Variants in MCF2 observed in about 807,000 individuals in gnomAD.
MCF2 encodes MCF.2 cell line derived transforming sequence.
In MCF2, 44 loss-of-function variants were observed where a neutral mutation model predicts 82.5. The observed-to-expected ratio is 0.53, with a 90% CI of 0.42 to 0.69. The LOEUF (loss-of-function observed/expected upper bound fraction) is 0.69, where lower values mean the gene tolerates loss of function less well. Ranked by LOEUF, MCF2 falls within the 30% of genes least tolerant of loss-of-function variation. MCF2 has a pLI of 0.00. For synonymous variants in MCF2, 217 were observed against 224.9 expected, an observed-to-expected ratio of 0.96 and a Z score of 0.32; for missense variants, 623 against 663.1, an observed-to-expected ratio of 0.94 and a Z score of 0.66.
chrX:139,702,042 T>C (rs1426369326), intron 1 of MCF2, among the ~76,000 whole-genome samples: 3 of 111,601 alleles, frequency 2.7e-5, no homozygotes, highest in Non-Finnish European at 5.6e-5. Context: ...ATGGTTTACC[T>C]GGCCTGCTAT....
intron 1 of MCF2, among the ~76,000 whole-genome samples, chrX:139,652,485 C>T (rs1934059844): frequency 9.0e-6 from 1 of 111,479 alleles, no homozygotes; most frequent in Admixed American, 9.5e-5. Flanking sequence ...AGCATATTAA[C>T]TCATTTTTTA....
chrX:139,590,818 A>G (rs1337650838), intron 19 of MCF2, among the ~76,000 whole-genome samples: 1 of 110,734 alleles, frequency 9.0e-6, no homozygotes, highest in Non-Finnish European at 1.9e-5. Context: ...AGCATTAAAG[A>G]TAGTGCTAGG....
At chrX:139,687,395 CAAGACGTCG>C (rs1415003425) in intron 1 of MCF2, among the ~76,000 whole-genome samples, 16 of 113,377 alleles carry the variant, frequency 1.4e-4, no homozygotes, top group African/African-American at 5.1e-4. Flanking sequence ...GTCTCTGGAA[CAAGACGTCG>C]AAGCAACAGA....
chrX:139,604,255 A>C (rs1245440414), intron 15 of MCF2, among the ~76,000 whole-genome samples: 3 of 110,718 alleles, frequency 2.7e-5, no homozygotes, highest in African/African-American at 9.9e-5. Flanking sequence ...GACTAGATCC[A>C]ATTCTAAAAC....
chrX:139,629,368 T>C (rs1033008865), intron 4 of MCF2, among the ~76,000 whole-genome samples: 3 of 112,101 alleles, frequency 2.7e-5, no homozygotes, highest in African/African-American at 9.7e-5. Context: ...CTGTCATATA[T>C]GTGGTTCATC....
intron 10 of MCF2, among the ~76,000 whole-genome samples, chrX:139,612,193 A>G (rs1444705529): frequency 2.7e-5 from 3 of 110,951 alleles, no homozygotes; most frequent in Non-Finnish European, 3.8e-5. Flanking sequence ...GGAGGAACCA[A>G]GGTCCCAGGC....
At chrX:139,644,192 T>C (rs1933714766), upstream of MCF2, among the ~76,000 whole-genome samples, 1 of 112,424 alleles carries the variant, frequency 8.9e-6, no homozygotes, top group African/African-American at 3.2e-5. Flanking sequence ...GTAAGCCAAT[T>C]GGAAAATGAT....
At chrX:139,637,000 T>C (rs1933262259) in intron 1 of MCF2, among the ~76,000 whole-genome samples, 1 of 111,798 alleles carries the variant, frequency 8.9e-6, no homozygotes, top group Non-Finnish European at 1.9e-5. Context: ...TGTTTAGTAA[T>C]TCACTTGTCA....
intron 19 of MCF2, among the ~76,000 whole-genome samples, chrX:139,594,448 C>A (rs1200766471): frequency 9.1e-6 from 1 of 109,898 alleles, no homozygotes; most frequent in Non-Finnish European, 1.9e-5. Flanking sequence ...TGATCTTTGA[C>A]AAACCTGACA....
rs771215775 is a variant in MCF2, at chrX:139,589,739, T to C, written c.2370+96A>G. 26 of 606,607 alleles carry C rather than the reference T, an allele frequency of 4.3e-5. 1 individual carries two copies. The African/African-American group carries it at 4.8e-4, about 11-fold the overall frequency. 50.0% of individuals were successfully genotyped at this position (606,607 alleles called of 1,213,427 possible). On this transcript the variant is annotated intron_variant, in intron 20 of 24. Coordinates refer to ENST00000370576, the Ensembl canonical transcript of MCF2. ...CTGACCTACATGAAAGGGGTGGAAA[T>C]TTTGAAATGCGACCAAAATTATTTT...
chrX:139,583,903 G>T (rs1279180366), intron 24 of MCF2, among the ~76,000 whole-genome samples: 2 of 111,193 alleles, frequency 1.8e-5, no homozygotes, highest in African/African-American at 6.5e-5. Context: ...TATCTTACCA[G>T]ATCTAAGTCT....
chrX:139,594,638 G>C (rs1929875257), intron 19 of MCF2, among the ~76,000 whole-genome samples: 1 of 110,981 alleles, frequency 9.0e-6, no homozygotes, highest in Non-Finnish European at 1.9e-5. Context: ...AGAAAACCTA[G>C]GCATTACCAT....
At chrX:139,678,833 C>T (rs1226054647) in intron 1 of MCF2, among the ~76,000 whole-genome samples, 1 of 112,308 alleles carries the variant, frequency 8.9e-6, no homozygotes, top group African/African-American at 3.2e-5. Context: ...ATAGCAAGCA[C>T]TTATATGTGC....
intron 1 of MCF2, among the ~76,000 whole-genome samples, chrX:139,707,445 T>C (rs1409445162): frequency 1.8e-5 from 2 of 111,268 alleles, no homozygotes; most frequent in Non-Finnish European, 3.8e-5. Flanking sequence ...AGACCTCCCA[T>C]TTTTCTTTGC....
Position 139,668,284 on chromosome X carries a change from C to T in MCF2, c.-44-16496G>A, listed in dbSNP as rs190301243. Among the ~76,000 whole-genome samples the T allele has an allele frequency of 2.6e-3, 294 of 111,590 alleles. 1 individual carries two copies. Among genetic ancestry groups the T allele is most frequent in the African/African-American group, 9.1e-3 (279 of 30,690 alleles). ...AGCAATAACACCTCAGTCCCAACAC[C>T]GCTGGGTTCCAGGATACTGTGCAGT... On this transcript the variant is annotated intron_variant, in intron 1 of 27. Transcript: ENST00000414978.
exon 10 of MCF2, chrX:139,614,974 G>A (rs775728122): frequency 8.3e-7 from 1 of 1,209,568 alleles, no homozygotes; most frequent in East Asian, 3.0e-5. Context: ...TTATCTGCCA[G>A]GTTCCTGAAA....
At chrX:139,673,702 C>T (rs950294612) in intron 1 of MCF2, among the ~76,000 whole-genome samples, 2 of 111,879 alleles carry the variant, frequency 1.8e-5, no homozygotes, top group African/African-American at 3.3e-5. Flanking sequence ...GATTTCTGTT[C>T]TTTTACGTTT....
intron 1 of MCF2, among the ~76,000 whole-genome samples, chrX:139,661,576 C>G (rs770808041): frequency 2.1e-4 from 23 of 111,682 alleles, no homozygotes; most frequent in African/African-American, 6.8e-4. Flanking sequence ...GGAAGGCTCT[C>G]TCTTATCAGT....
At chrX:139,598,471 G>A in exon 17 of MCF2, 4 of 1,145,485 alleles carry the variant, frequency 3.5e-6, no homozygotes, top group Non-Finnish European at 4.7e-6. Flanking sequence ...TCCAGTCTAA[G>A]TCTGTGTTTT....
Sources: gnomAD v4.1 joint callset for allele counts (sites outside exome capture counted in the v4.1 genomes callset) on GRCh38, gnomAD v4.1.1 for gene constraint, MANE v1.5 for transcripts, NCBI Gene and HGNC (gene_info 2026-07-23, HGNC 2026-07-21) for gene names.